DNAH8: variants seen among roughly 807,000 people sequenced by gnomAD.
DNAH8 encodes axonemal beta dynein heavy chain 8.
Under a neutral mutation model 562.1 loss-of-function variants are expected in DNAH8, and 382 were observed. The ratio of observed to expected loss-of-function variants is 0.68; its 90% CI spans 0.63 to 0.74. The LOEUF (loss-of-function observed/expected upper bound fraction) is 0.74. Ranked by LOEUF, DNAH8 falls within the 30% of genes least tolerant of loss-of-function variation. The pLI, the probability that DNAH8 is intolerant of heterozygous loss-of-function variation, is 0.00. For missense variants in DNAH8, 5,203 were observed against 5,620.4 expected (o/e 0.93, Z 2.37); for synonymous variants, 1,881 against 1,919.4 (o/e 0.98, Z 0.52).
chr6:38,869,155 T>C (rs1272734416), intron 48 of DNAH8, among the ~76,000 whole-genome samples: 1 of 152,204 alleles, frequency 6.6e-6, no homozygotes, highest in Non-Finnish European at 1.5e-5. Flanking sequence ...ACAAAGTCTT[T>C]TCAGGTGTAT....
In DNAH8 at chr6:39,030,219, A is replaced by C. The variant is rs139155514; in HGVS notation, c.13951A>C (p.Ile4651Leu). 1 of 1,614,130 alleles carries C rather than the reference A, an allele frequency of 6.2e-7. No homozygotes were observed. The highest frequency in any genetic ancestry group is 8.5e-7 in the Non-Finnish European group (1 of 1,180,014). ...VLFTQLPVLH[I>L]FAINSTAPKD... ...CTTCACGCAGTTACCCGTGCTCCAC[A>C]TCTTTGCCATTAACTCCACGGCACC... Residue 4651 changes from isoleucine to leucine, a missense_variant, in exon 93 of 93, where the codon ATC becomes CTC. By Grantham distance (5) the Ile-to-Leu change is conservative (BLOSUM62 2). Transcript: ENST00000327475.
At chr6:38,735,215 C>A (rs997658441) in intron 5 of DNAH8, among the ~76,000 whole-genome samples, 17 of 152,292 alleles carry the variant, frequency 1.1e-4, no homozygotes, top group Non-Finnish European at 2.2e-4. Context: ...TAAATAAATT[C>A]TTATTATATT....
At chr6:38,817,478 C>G (rs1408711941) in intron 26 of DNAH8, among the ~76,000 whole-genome samples, 1 of 152,144 alleles carries the variant, frequency 6.6e-6, no homozygotes, top group Non-Finnish European at 1.5e-5. Context: ...ATGGGGTGTT[C>G]CCTACAACCA....
Position 38,883,394 on chromosome 6 carries a change from C to A in DNAH8, c.8074C>A (p.Pro2692Thr), listed in dbSNP as rs760373475. 7.4e-6 allele frequency: 12 copies of A among 1,613,150 alleles called. No individual in the cohort carries two copies. The highest frequency in any genetic ancestry group is 1.0e-5 in the Non-Finnish European group (12 of 1,179,480). Residue 2692 changes from proline (P) to threonine (T), a missense_variant, in exon 55 of 93, where the codon CCT (proline) becomes ACT (threonine). Around this residue, in one of 6 missense-constraint regions of DNAH8, gnomAD observed 977 missense variants for 1,061.8 expected, o/e 0.92. Transcript: ENST00000327475. ...TAAGGCCTATTTGAAAAAATATGAT[C>A]CTGAAGTACAGCTATCCAAAAGTCT... ...MVKAYLKKYDPEVQLSKSLNF... is the reference protein window; with the variant it reads ...MVKAYLKKYDTEVQLSKSLNF...
At chr6:38,750,706 A>T (rs1765367489) in intron 9 of DNAH8, 117 bp downstream of exon 9, 1 of 560,640 alleles carries the variant, frequency 1.8e-6, no homozygotes, top group Admixed American at 3.2e-5. Context: ...GCAAGGCTGC[A>T]GTGAGCTATG....
chr6:39,018,125 G>A (rs1245738318), intron 91 of DNAH8, among the ~76,000 whole-genome samples: 1 of 152,172 alleles, frequency 6.6e-6, no homozygotes, highest in African/African-American at 2.4e-5. Context: ...CCAAATCACA[G>A]AACTATAGAA....
chr6:38,719,687 C>G (rs534363658), intron 1 of DNAH8, among the ~76,000 whole-genome samples: 14 of 152,264 alleles, frequency 9.2e-5, no homozygotes, highest in African/African-American at 3.1e-4. Context: ...GCTAATGCAG[C>G]TGATCATTAC....
intron 57 of DNAH8, among the ~76,000 whole-genome samples, chr6:38,889,272 T>C (rs1440866305): frequency 1.3e-5 from 2 of 152,028 alleles, no homozygotes; most frequent in Non-Finnish European, 2.9e-5. Context: ...AAGAAGCAAA[T>C]CACAGGAAAA....
chr6:38,875,995 T>C (rs1777965356), intron 53 of DNAH8, among the ~76,000 whole-genome samples, 167 bp downstream of exon 53: 1 of 152,230 alleles, frequency 6.6e-6, no homozygotes, highest in African/African-American at 2.4e-5. Context: ...ATTTTGCATA[T>C]GAATTGTGCC....
intron 91 of DNAH8, among the ~76,000 whole-genome samples, chr6:39,018,971 A>C: frequency 6.6e-6 from 1 of 152,240 alleles, no homozygotes; most frequent in East Asian, 1.9e-4. Context: ...TATGCATAAC[A>C]TGGATAATTC....
chr6:39,000,693 G>T (rs1765428287), intron 88 of DNAH8, among the ~76,000 whole-genome samples: 1 of 152,146 alleles, frequency 6.6e-6, no homozygotes, highest in African/African-American at 2.4e-5. Flanking sequence ...ATGGTGAGTT[G>T]TATAATTACT....
chr6:38,979,500 A>G (rs1043823264), intron 85 of DNAH8, among the ~76,000 whole-genome samples: 1 of 152,206 alleles, frequency 6.6e-6, no homozygotes, highest in Non-Finnish European at 1.5e-5. Context: ...TAGTATTCCA[A>G]GGTAATTTAA....
intron 82 of DNAH8, among the ~76,000 whole-genome samples, chr6:38,964,908 C>A (rs1045431344): frequency 2.6e-5 from 4 of 151,720 alleles, no homozygotes; most frequent in African/African-American, 7.3e-5. Flanking sequence ...ATTAAAAATA[C>A]AAAAAATTAG....
intron 32 of DNAH8, among the ~76,000 whole-genome samples, chr6:38,836,782 A>C (rs142242064): frequency 6.6e-6 from 1 of 152,030 alleles, no homozygotes; most frequent in East Asian, 1.9e-4. Context: ...CTCTCATGCA[A>C]ATTTATTTTG....
chr6:38,728,261 C>G (rs905186211), intron 3 of DNAH8, among the ~76,000 whole-genome samples: 7 of 151,900 alleles, frequency 4.6e-5, no homozygotes, highest in African/African-American at 1.7e-4. Context: ...AGCCACCGAG[C>G]CTGGCCTACT....
At chr6:38,790,471 T>A (rs1397360434) in intron 20 of DNAH8, 66 bp downstream of exon 20, 1 of 763,056 alleles carries the variant, frequency 1.3e-6, no homozygotes, top group South Asian at 1.7e-5. Flanking sequence ...AGTTTGATTA[T>A]TATGAAAGCT....
chr6:39,012,569 A>G lies in DNAH8; in HGVS notation c.13646A>G (p.Gln4549Arg). The change falls in exon 91 of 93, where the codon CAG becomes CGG. Residue 4549 changes from glutamine (Q) to arginine (R), a missense_variant. Transcript: ENST00000327475. ...WFTELLERNA[Q>R]FSTWIFEGRP... is the part of the protein sequence containing the mutation. ...ACTGAACTTTTGGAAAGAAATGCTC[A>G]GTTTTCTACGTGGATATTTGAAGGG... 2 of 1,614,096 alleles carry G rather than the reference A, an allele frequency of 1.2e-6. No homozygotes were observed. Among genetic ancestry groups the G allele is most frequent in the Non-Finnish European group, 1.7e-6 (2 of 1,179,934 alleles).
rs746781813 is a variant in DNAH8, at chr6:38,786,888, C to T, written c.2519C>T (p.Pro840Leu). Reference sequence around the variant, plus strand: ...ATGATAAAAATGAAGTTGGATGTACCAGAACAGGCAAAGAGATTGCTAAAA... The same window carrying T: ...ATGATAAAAATGAAGTTGGATGTACTAGAACAGGCAAAGAGATTGCTAAAA... The part of the protein sequence containing the change: ...KCMIKMKLDV[P>L]EQAKRLLKLE... Residue 840 changes from proline to leucine, a missense_variant, in exon 18 of 93, where the codon CCA (proline) becomes CTA (leucine). Pro to Leu is a moderately conservative substitution (Grantham distance 98). Around this residue, in one of 6 missense-constraint regions of DNAH8, gnomAD observed 2,176 missense variants for 2,365.1 expected, o/e 0.92. Coordinates refer to ENST00000327475, the MANE Select transcript of DNAH8 (RefSeq NM_001206927.2). 3.1e-6 allele frequency: 5 copies of T among 1,612,602 alleles called. No homozygotes were observed. The highest frequency in any genetic ancestry group is 1.7e-5 in the Admixed American group (1 of 59,846).
Position 38,861,704 on chromosome 6 carries a change from G to T in DNAH8, c.6132-576G>T, listed in dbSNP as rs560839382. Among the ~76,000 whole-genome samples the T allele has an allele frequency of 4.5e-3, 690 of 152,134 alleles. 2 individuals carry two copies. The highest frequency in any genetic ancestry group is 8.4e-3 in the African/African-American group (348 of 41,494). On this transcript the variant is annotated intron_variant, in intron 43 of 92. Transcript: ENST00000327475. ...ATGCCACCACGCCTGGCTAATTTTT[G>T]TGTTTTTTAAATAGAGACAGGGTTT...
Sources: allele counts gnomAD v4.1 joint callset (sites outside exome capture counted in the v4.1 genomes callset), GRCh38; gene constraint gnomAD v4.1.1; regional missense constraint gnomAD v4.1.1; transcripts MANE v1.5; gene names NCBI Gene and HGNC (gene_info 2026-07-23, HGNC 2026-07-21).